CASZ1: variants seen among roughly 807,000 people sequenced by gnomAD.
CASZ1 encodes the protein zinc finger protein castor homolog 1.
A neutral mutation model predicts 135.2 loss-of-function variants in CASZ1; 28 were observed. The observed-to-expected ratio is 0.21, with a 90% confidence interval of 0.15 to 0.28. The LOEUF (loss-of-function observed/expected upper bound fraction) is 0.28. CASZ1 is among the 10% of genes least tolerant of loss of function. The pLI is 1.00. For missense variants in CASZ1, 2,161 were observed against 2,453.3 expected (o/e 0.88, Z 2.52); for synonymous variants, 1,068 against 1,073.4 (o/e 0.99, Z 0.10).
At chr1:10,734,496 A>G (rs1225270341) in intron 2 of CASZ1, among the ~76,000 whole-genome samples, 1 of 152,180 alleles carries the variant, frequency 6.6e-6, no homozygotes, top group Non-Finnish European at 1.5e-5. Flanking sequence ...GCATCTCGGG[A>G]ATTCTCTAGG....
At chr1:10,649,639 G>A (rs560011291) in intron 13 of CASZ1, 89 of 597,106 alleles carry the variant, frequency 1.5e-4, no homozygotes, top group African/African-American at 1.5e-3. Flanking sequence ...CCGACCCCAG[G>A]AGCTGCGAGG....
chr1:10,722,576 C>T (rs1204011854), intron 2 of CASZ1, among the ~76,000 whole-genome samples: 1 of 152,238 alleles, frequency 6.6e-6, no homozygotes, highest in Non-Finnish European at 1.5e-5. Context: ...TTTCCAAGGA[C>T]ACTGAAAACT....
At position 10,727,396 on chromosome 1, in the gene CASZ1, GAAA is replaced by G. The variant is rs79317557; in HGVS notation, c.-76-21855_-76-21853del. ...CACAAGGCCTTTTAAGTCCAGAAAA[GAAA>G]AAAAAAAACAACCCAGCCTCCCAGA... On this transcript the variant is annotated intron_variant, in intron 2 of 20. Transcript: ENST00000377022. This position sits in a 1 kb window ranked among gnomAD's most constrained non-coding sequence, Gnocchi z 5.3. 1.5e-4 allele frequency among the ~76,000 whole-genome samples: 21 copies of G among 142,544 alleles called. No individual in the cohort carries two copies. The highest frequency in any genetic ancestry group is 4.1e-4 in the African/African-American group (16 of 38,962). The allele number at this position is 142,544 out of a possible 152,430, so 93.5% of individuals were successfully genotyped here.
Position 10,694,082 on chromosome 1 carries a change from TCA to T in CASZ1, c.-23-172_-23-171del, listed in dbSNP as rs1177363493. On this transcript the variant is annotated intron_variant, in intron 3 of 20. Coordinates refer to ENST00000377022, the MANE Select transcript of CASZ1 (RefSeq NM_001079843.3). The surrounding 1 kb of genome is among the most constrained non-coding windows in gnomAD (Gnocchi z 6.6). The stretch of plus-strand genomic sequence containing the variant: ...CTTTCTCCTCCGCGCCGCCCGCTTC[TCA>T]CGCTCGGCCCCGCACGCGCCCGCGG... Among the ~76,000 whole-genome samples the T allele has an allele frequency of 1.3e-5, 2 of 151,492 alleles. No individual in the cohort carries two copies. Among genetic ancestry groups the T allele is most frequent in the African/African-American group, 4.8e-5 (2 of 41,304 alleles).
intron 1 of CASZ1, among the ~76,000 whole-genome samples, chr1:10,780,736 G>A (rs578128078): frequency 3.9e-5 from 6 of 152,160 alleles, no homozygotes; most frequent in Admixed American, 1.3e-4. Context: ...AGGGAAAAGC[G>A]TGCATTTCAG....
chr1:10,644,315 C>T (rs1438563536), intron 18 of CASZ1, among the ~76,000 whole-genome samples: 1 of 152,190 alleles, frequency 6.6e-6, no homozygotes, highest in Non-Finnish European at 1.5e-5. Context: ...GGCCTCCCTT[C>T]CCAAAGCCAC....
At chr1:10,780,498 T>C (rs1570587119) in intron 1 of CASZ1, among the ~76,000 whole-genome samples, 1 of 152,206 alleles carries the variant, frequency 6.6e-6, no homozygotes, top group African/African-American at 2.4e-5. Flanking sequence ...GAGACCCTCC[T>C]ACCTCATCCA....
At chr1:10,662,803 G>A (rs1029011641) in intron 5 of CASZ1, among the ~76,000 whole-genome samples, 6 of 152,050 alleles carry the variant, frequency 3.9e-5, no homozygotes, top group African/African-American at 1.4e-4. Flanking sequence ...ATCCCTAGCC[G>A]CCTTCCTGCC....
chr1:10,731,822 G>T (rs1015763104), intron 2 of CASZ1, among the ~76,000 whole-genome samples: 2 of 152,120 alleles, frequency 1.3e-5, no homozygotes, highest in African/African-American at 2.4e-5. Flanking sequence ...TATCAGAAAG[G>T]TTATGCGAAA....
At chr1:10,664,138 C>T (rs938792267) in intron 5 of CASZ1, among the ~76,000 whole-genome samples, 1 of 152,236 alleles carries the variant, frequency 6.6e-6, no homozygotes, top group Admixed American at 6.5e-5. Context: ...CTGTTTATAT[C>T]TTACATGCAT....
intron 4 of CASZ1, among the ~76,000 whole-genome samples, chr1:10,688,666 A>C (rs116229779): frequency 0.049 from 7,397 of 152,118 alleles, 229 homozygotes; most frequent in Middle Eastern, 0.12. Context: ...AGAGCCTCCC[A>C]TGCCTCCTGG....
At chr1:10,782,326 G>A (rs1640777710) in intron 1 of CASZ1, among the ~76,000 whole-genome samples, 1 of 152,248 alleles carries the variant, frequency 6.6e-6, no homozygotes, top group East Asian at 1.9e-4. Context: ...ACTGTGGAAT[G>A]GAGAATGATG....
Position 10,739,652 on chromosome 1 carries a change from G to A in CASZ1, c.-77+21049C>T, listed in dbSNP as rs566914534. Among the ~76,000 whole-genome samples, 1 of 152,300 alleles carries A rather than the reference G, an allele frequency of 6.6e-6. No homozygotes were observed. Among genetic ancestry groups the A allele is most frequent in the South Asian group, 2.1e-4 (1 of 4,828 alleles). Reference sequence around the variant, plus strand: ...CAACAGGGCCACCAGCTCCTCAAGAGTCCAAGCTATAGTTTGGCCCAAATG... The same window carrying A: ...CAACAGGGCCACCAGCTCCTCAAGAATCCAAGCTATAGTTTGGCCCAAATG... On this transcript the variant is annotated intron_variant, in intron 2 of 20. Coordinates refer to ENST00000377022, the MANE Select transcript of CASZ1 (RefSeq NM_001079843.3). The surrounding 1 kb of genome is among the most constrained non-coding windows in gnomAD (Gnocchi z 4.8).
At chr1:10,670,692 G>C (rs1326042855) in intron 4 of CASZ1, among the ~76,000 whole-genome samples, 1 of 152,228 alleles carries the variant, frequency 6.6e-6, no homozygotes, top group Admixed American at 6.5e-5. Context: ...CTCTGTAGTG[G>C]GCATCAGAGG....
Position 10,701,671 on chromosome 1 carries a change from A to G in CASZ1, c.-24+3821T>C, listed in dbSNP as rs1272350518. Among the ~76,000 whole-genome samples, 1 of 152,192 alleles carries G rather than the reference A, an allele frequency of 6.6e-6. No homozygotes were observed. The highest frequency in any genetic ancestry group is 1.5e-5 in the Non-Finnish European group (1 of 68,026). On this transcript the variant is annotated intron_variant, in intron 3 of 20. Transcript: ENST00000377022. This position sits in a 1 kb window ranked among gnomAD's most constrained non-coding sequence, Gnocchi z 6.3. The stretch of plus-strand genomic sequence containing the variant: ...CTGACACTAATGTATTCAACCTGAC[A>G]TCCCATCTTGTCGTGAATGAAGACT...
chr1:10,778,023 TCA>T (rs893712708), intron 1 of CASZ1, among the ~76,000 whole-genome samples: 31 of 150,860 alleles, frequency 2.1e-4, no homozygotes, highest in Non-Finnish European at 4.1e-4. Flanking sequence ...TCATACAATC[TCA>T]CACACAATCA....
intron 5 of CASZ1, among the ~76,000 whole-genome samples, chr1:10,662,089 TAC>T (rs779953939): frequency 8.8e-5 from 13 of 148,278 alleles, no homozygotes; most frequent in Admixed American, 1.3e-4. Context: ...ACACACACCC[TAC>T]ACAGTTACAT....
Position 10,648,558 on chromosome 1 carries a change from G to C in CASZ1, c.3159-419C>G, listed in dbSNP as rs116431132. On this transcript the variant is annotated intron_variant, in intron 15 of 20. Transcript: ENST00000377022. ...TCGGAAAAGCCTTGGGAGCACTGCA[G>C]GTCTGTTTTAAACGATTTCAAGTTC... The C allele has an allele frequency of 6.6e-3, 1,386 of 209,896 alleles. 19 individuals are homozygous for C. The highest frequency in any genetic ancestry group is 0.03 in the African/African-American group (1,305 of 43,430). 13.0% of individuals were successfully genotyped at this position (209,896 alleles called of 1,614,324 possible). A position where few individuals can be genotyped will look rare whatever the true frequency, so the allele number is the denominator to read the frequency against.
At chr1:10,722,091 C>T (rs1013893808) in intron 2 of CASZ1, among the ~76,000 whole-genome samples, 3 of 152,214 alleles carry the variant, frequency 2.0e-5, no homozygotes, top group South Asian at 4.1e-4. Flanking sequence ...CAGACACCTG[C>T]GTCTTGGCCC....
Sources: gnomAD v4.1 joint callset for allele counts (sites outside exome capture counted in the v4.1 genomes callset) on GRCh38, gnomAD v4.1.1 for gene constraint, Gnocchi (gnomAD v3.1) non-coding constraint, MANE v1.5 for transcripts, NCBI Gene and HGNC (gene_info 2026-07-23, HGNC 2026-07-21) for gene names.